Variants in FRMD5 observed in about 807,000 individuals in gnomAD.
The protein encoded by FRMD5 is FERM domain-containing protein 5.
FRMD5 carries 20 observed loss-of-function variants against 69.0 expected under a neutral mutation model. The ratio of observed to expected loss-of-function variants is 0.29; its 90% CI spans 0.20 to 0.42. FRMD5 has a LOEUF of 0.42. FRMD5 is among the 10% of genes least tolerant of loss of function. The pLI is 1.00. For missense variants in FRMD5, 595 were observed against 708.6 expected (o/e 0.84, Z 1.82); for synonymous variants, 271 against 260.1 (o/e 1.04, Z -0.40).
intron 1 of FRMD5, among the ~76,000 whole-genome samples, chr15:44,165,101 C>A (rs1225607577): frequency 6.6e-6 from 1 of 152,164 alleles, no homozygotes; most frequent in Non-Finnish European, 1.5e-5. Context: ...AATGTCCTTG[C>A]AATAAAGTCC....
chr15:44,042,416 TA>T (rs1892238417), intron 1 of FRMD5, among the ~76,000 whole-genome samples: 1 of 152,172 alleles, frequency 6.6e-6, no homozygotes, highest in South Asian at 2.1e-4. Flanking sequence ...AAATCCTCCC[TA>T]ACTCATTTTA....
At chr15:43,919,043 C>G in intron 4 of FRMD5, 1 of 304,896 alleles carries the variant, frequency 3.3e-6, no homozygotes, top group South Asian at 2.9e-5. Flanking sequence ...CCCAGCTTAT[C>G]TTTCAGTGTT....
intron 1 of FRMD5, among the ~76,000 whole-genome samples, chr15:44,071,740 T>C (rs544659482): frequency 3.3e-5 from 5 of 152,358 alleles, no homozygotes; most frequent in African/African-American, 1.2e-4. Flanking sequence ...TGAAGCTACA[T>C]TGGACTCTTG....
At chr15:43,886,607 A>G (rs1268937958) in intron 10 of FRMD5, among the ~76,000 whole-genome samples, 1 of 152,296 alleles carries the variant, frequency 6.6e-6, no homozygotes, top group East Asian at 1.9e-4. Flanking sequence ...CCAGTAACCT[A>G]TGTGAGTCTG....
At chr15:44,092,631 G>C (rs1204761841) in intron 1 of FRMD5, among the ~76,000 whole-genome samples, 1 of 152,120 alleles carries the variant, frequency 6.6e-6, no homozygotes, top group Non-Finnish European at 1.5e-5. Flanking sequence ...ATCCTTTCCA[G>C]ATTTATCTCC....
chr15:44,076,857 T>C lies in FRMD5; in HGVS notation c.102+118096A>G, dbSNP rs117537059. 1.7e-3 allele frequency among the ~76,000 whole-genome samples: 253 copies of C among 152,118 alleles called. 5 individuals carry two copies. The East Asian group carries it at 0.033, about 20-fold the overall frequency. On this transcript the variant is annotated intron_variant, in intron 1 of 13. Transcript: ENST00000417257. ...TCCAGACTTAAAATGATACCTCTTA[T>C]AGTCATCTCTCAGTCTGAGATGTCC...
At chr15:44,072,888 G>A (rs1893601995) in intron 1 of FRMD5, among the ~76,000 whole-genome samples, 1 of 152,168 alleles carries the variant, frequency 6.6e-6, no homozygotes, top group African/African-American at 2.4e-5. Flanking sequence ...CCAGCACTTT[G>A]GGAAGCCAAG....
chr15:43,970,482 T>C (rs2090357885), intron 1 of FRMD5, among the ~76,000 whole-genome samples: 1 of 152,218 alleles, frequency 6.6e-6, no homozygotes, highest in African/African-American at 2.4e-5. Context: ...GTTGCTGTTG[T>C]CGTTGTTGAG....
intron 1 of FRMD5, among the ~76,000 whole-genome samples, chr15:44,045,867 GT>G (rs1892406250): frequency 6.6e-6 from 1 of 152,164 alleles, no homozygotes; most frequent in Non-Finnish European, 1.5e-5. Flanking sequence ...AGGAAATGCA[GT>G]TATTCCTTCA....
chr15:44,059,670 C>T (rs866286776), intron 1 of FRMD5, among the ~76,000 whole-genome samples: 1 of 152,012 alleles, frequency 6.6e-6, no homozygotes, highest in African/African-American at 2.4e-5. Context: ...CACCACCACG[C>T]CCAGCTAATT....
At position 43,946,480 on chromosome 15, in the gene FRMD5, G is replaced by T. The variant is rs2089949172; in HGVS notation, c.103-22171C>A. On this transcript the variant is annotated intron_variant, in intron 1 of 13. Transcript: ENST00000417257. ...TTATTTCTAATTTTATTTTTCAGAT[G>T]AGAAAATTCAGCCTTAGAGCTACTG... is the stretch of plus-strand genomic sequence containing the variant. Among the ~76,000 whole-genome samples the T allele has an allele frequency of 2.0e-5, 3 of 152,156 alleles. 1 individual carries two copies. The South Asian group carries it at 6.2e-4, about 32-fold the overall frequency.
At chr15:44,038,013 C>G (rs1185021081) in intron 1 of FRMD5, among the ~76,000 whole-genome samples, 1 of 152,178 alleles carries the variant, frequency 6.6e-6, no homozygotes, top group African/African-American at 2.4e-5. Context: ...GAGATGTTAT[C>G]TCATTGAGGT....
rs139491002 is a variant in FRMD5, at chr15:43,876,240, G to A, written c.1136-1778C>T. ...TCCAGAACCACTTTTTCCTTTGGGCGGCATCTTGGAAGCTTGTTGTTGAAC... is the reference window on the plus strand; with the variant it reads ...TCCAGAACCACTTTTTCCTTTGGGCAGCATCTTGGAAGCTTGTTGTTGAAC... On this transcript the variant is annotated intron_variant, in intron 13 of 13. Coordinates refer to ENST00000417257, the MANE Select transcript of FRMD5 (RefSeq NM_032892.5). The A allele has an allele frequency of 2.3e-4, 361 of 1,553,112 alleles. No individual in the cohort carries two copies. The African/African-American group carries it at 4.4e-3, about 19-fold the overall frequency.
At chr15:43,883,096 C>CT (rs1194596576) in intron 13 of FRMD5, among the ~76,000 whole-genome samples, 2 of 151,592 alleles carry the variant, frequency 1.3e-5, no homozygotes, top group East Asian at 1.9e-4. Flanking sequence ...GCGCCAGCCC[C>CT]TTTTTTTAAA....
intron 1 of FRMD5, among the ~76,000 whole-genome samples, chr15:44,127,974 A>G (rs1373247286): frequency 6.6e-6 from 1 of 152,074 alleles, no homozygotes. Context: ...GCTTTTCAAC[A>G]TTTTCCCTTT....
chr15:43,948,534 G>C (rs2089981186), intron 1 of FRMD5, among the ~76,000 whole-genome samples: 1 of 152,080 alleles, frequency 6.6e-6, no homozygotes, highest in South Asian at 2.1e-4. Context: ...CTCCTTGTGG[G>C]GAACATTTCG....
At chr15:44,127,066 CAT>C (rs1566960122) in intron 1 of FRMD5, among the ~76,000 whole-genome samples, 11 of 152,202 alleles carry the variant, frequency 7.2e-5, no homozygotes. Flanking sequence ...TAGAACAGAA[CAT>C]GTTTCATATA....
chr15:44,004,640 C>T (rs1413324537), intron 1 of FRMD5, among the ~76,000 whole-genome samples: 1 of 152,208 alleles, frequency 6.6e-6, no homozygotes, highest in African/African-American at 2.4e-5. Context: ...GCTCCATCAA[C>T]CAGCTGTTCC....
At chr15:43,948,552 G>T (rs575366646) in intron 1 of FRMD5, among the ~76,000 whole-genome samples, 1 of 152,278 alleles carries the variant, frequency 6.6e-6, no homozygotes, top group South Asian at 2.1e-4. Context: ...TCGGTAATTT[G>T]GTGGTTGAAT....
Sources: gnomAD v4.1 joint callset for allele counts (sites outside exome capture counted in the v4.1 genomes callset) on GRCh38, gnomAD v4.1.1 for gene constraint, MANE v1.5 for transcripts, NCBI Gene and HGNC (gene_info 2026-07-23, HGNC 2026-07-21) for gene names.